Variants in TMEM232 observed in about 807,000 individuals in gnomAD.
The protein encoded by TMEM232 is transmembrane protein 232.
In TMEM232, 80 loss-of-function variants were observed where a neutral mutation model predicts 78.8. That is an observed-to-expected ratio of 1.01 (90% CI 0.85 to 1.22). The LOEUF (loss-of-function observed/expected upper bound fraction) is 1.22. Ranked by LOEUF, TMEM232 falls within the 50% of genes most tolerant of loss-of-function variation. The pLI is 0.00. For synonymous variants in TMEM232, 297 were observed against 254.3 expected, an observed-to-expected ratio of 1.17 and a Z score of -1.60; for missense variants, 881 against 742.2, an observed-to-expected ratio of 1.19 and a Z score of -2.17.
rs537439186 is a variant in TMEM232 at position 110,698,275 on chromosome 5, A to G, written c.-13+28352T>C. Reference sequence around the variant, plus strand: ...CACAGGAAGGGGAACATCACACACCAGGGACTGTTGTGGGGTGGGTGGAGG... The same window carrying G: ...CACAGGAAGGGGAACATCACACACCGGGGACTGTTGTGGGGTGGGTGGAGG... On this transcript the variant is annotated intron_variant, in intron 1 of 13. Transcript: ENST00000455884. Among the ~76,000 whole-genome samples the G allele has an allele frequency of 4.0e-4, 60 of 148,612 alleles. No homozygotes were observed. The East Asian group carries it at 0.01, about 25-fold the overall frequency.
At chr5:110,685,634 G>C (rs766670893) in intron 1 of TMEM232, among the ~76,000 whole-genome samples, 4 of 152,030 alleles carry the variant, frequency 2.6e-5, no homozygotes, top group Non-Finnish European at 4.4e-5. Context: ...CCTACACCCT[G>C]ACCTAGAAAT....
intron 1 of TMEM232, among the ~76,000 whole-genome samples, chr5:110,715,916 T>C (rs879418084): frequency 5.3e-5 from 8 of 152,178 alleles, no homozygotes; most frequent in Non-Finnish European, 1.0e-4. Flanking sequence ...TAACCTCTTA[T>C]TATAAACCAG....
chr5:110,618,017 T>G (rs1783158002), intron 8 of TMEM232: 1 of 169,274 alleles, frequency 5.9e-6, no homozygotes, highest in African/African-American at 2.4e-5. Flanking sequence ...AAAAATTTTT[T>G]TTTAAGATTC....
At chr5:110,521,926 T>C (rs1769577864) in intron 12 of TMEM232, among the ~76,000 whole-genome samples, 1 of 152,152 alleles carries the variant, frequency 6.6e-6, no homozygotes, top group South Asian at 2.1e-4. Flanking sequence ...TTCTCAAGAT[T>C]GATTTGGCTA....
intron 11 of TMEM232, among the ~76,000 whole-genome samples, chr5:110,556,784 C>G (rs13436063): frequency 0.042 from 6,366 of 152,140 alleles, 432 homozygotes; most frequent in African/African-American, 0.15. Context: ...TGTAAGTGAC[C>G]TGACTCTTCT....
rs1756478758 is a variant in TMEM232, at chr5:110,420,006, A to AC, written c.*573_*574insG. 1 of 152,296 alleles carries AC rather than the reference A, an allele frequency of 6.6e-6. No individual in the cohort carries two copies. The highest frequency in any genetic ancestry group is 2.4e-5 in the African/African-American group (1 of 41,446). 9.4% of individuals were successfully genotyped at this position (152,296 alleles called of 1,614,324 possible). A position where few individuals can be genotyped will look rare whatever the true frequency, so the allele number is the denominator to read the frequency against. On this transcript the variant is annotated 3_prime_UTR_variant, in exon 14 of 14. Transcript: ENST00000455884. ...TCAGGAATCCCCTCTGGCATCTGTT[A>AC]AAGATCAAGCCAATCAATCTAAGAT...
Position 110,633,167 on chromosome 5 carries a change from T to A in TMEM232, c.501+5031A>T, listed in dbSNP as rs1343612453. 3.9e-5 allele frequency among the ~76,000 whole-genome samples: 6 copies of A among 152,114 alleles called. No individual in the cohort carries two copies. The South Asian group carries it at 1.2e-3, about 32-fold the overall frequency. On this transcript the variant is annotated intron_variant, in intron 5 of 13. Transcript: ENST00000455884. ...CTTCATACATGAAGAAGAAATAAGG[T>A]CTTTTACAGACAAGCAAATGGTAAG...
intron 1 of TMEM232, among the ~76,000 whole-genome samples, chr5:110,684,377 A>G (rs925184278): frequency 5.3e-4 from 81 of 152,142 alleles, no homozygotes; most frequent in African/African-American, 1.9e-3. Context: ...ATTAATACAG[A>G]AAAGTTAGTG....
At chr5:110,529,873 C>CT in intron 11 of TMEM232, among the ~76,000 whole-genome samples, 1 of 152,216 alleles carries the variant, frequency 6.6e-6, no homozygotes, top group African/African-American at 2.4e-5. Context: ...TATGTTACAA[C>CT]TTTTTTATGT....
chr5:110,688,231 A>G (rs1460499409), intron 1 of TMEM232, among the ~76,000 whole-genome samples: 1 of 152,162 alleles, frequency 6.6e-6, no homozygotes, highest in Non-Finnish European at 1.5e-5. Flanking sequence ...ATATAGATAC[A>G]TAGAGACATA....
At chr5:110,637,040 C>T (rs1785936201) in intron 5 of TMEM232, among the ~76,000 whole-genome samples, 1 of 151,580 alleles carries the variant, frequency 6.6e-6, no homozygotes. Flanking sequence ...GCCAGACTTG[C>T]TCCATGTTTT....
intron 7 of TMEM232, among the ~76,000 whole-genome samples, chr5:110,620,685 C>G (rs1327352656): frequency 6.8e-6 from 1 of 146,184 alleles, no homozygotes; most frequent in Non-Finnish European, 1.5e-5. Context: ...CTCTCTCTCC[C>G]TCTCTCGGCA....
At chr5:110,584,810 C>A (rs904690946) in intron 10 of TMEM232, among the ~76,000 whole-genome samples, 1 of 151,820 alleles carries the variant, frequency 6.6e-6, no homozygotes, top group Non-Finnish European at 1.5e-5. Flanking sequence ...AAGCACTTAG[C>A]GAGTTATTTT....
chr5:110,570,189 G>A (rs898074663), intron 10 of TMEM232, among the ~76,000 whole-genome samples: 3 of 151,850 alleles, frequency 2.0e-5, no homozygotes, highest in African/African-American at 4.8e-5. Flanking sequence ...TTTTTGAAAC[G>A]TCATTTTCTC....
At chr5:110,638,422 T>C in intron 4 of TMEM232, 67 bp from the exon 5 acceptor site, 18 of 1,396,864 alleles carry the variant, frequency 1.3e-5, no homozygotes, top group Non-Finnish European at 1.6e-5. Flanking sequence ...ATGCTATAAT[T>C]ACTTTTTGTA....
At chr5:110,608,144 A>G (rs567574696) in intron 8 of TMEM232, among the ~76,000 whole-genome samples, 2 of 152,044 alleles carry the variant, frequency 1.3e-5, no homozygotes, top group Admixed American at 1.3e-4. Context: ...CTAATTAGGC[A>G]TATGTTATAG....
intron 12 of TMEM232, among the ~76,000 whole-genome samples, chr5:110,473,059 CA>C (rs111965771): frequency 0.012 from 1,361 of 116,858 alleles, 7 homozygotes; most frequent in African/African-American, 0.023. Flanking sequence ...GCAACAAATG[CA>C]AAAAAAAAAA....
At chr5:110,569,737 A>T (rs1285821015) in intron 10 of TMEM232, among the ~76,000 whole-genome samples, 1 of 151,876 alleles carries the variant, frequency 6.6e-6, no homozygotes, top group Non-Finnish European at 1.5e-5. Context: ...TATAGCTAGT[A>T]CCGGAGGGGG....
chr5:110,697,845 TA>T (rs1034794034), intron 1 of TMEM232, among the ~76,000 whole-genome samples: 75 of 152,202 alleles, frequency 4.9e-4, no homozygotes, highest in African/African-American at 1.8e-3. Flanking sequence ...GGTGGGACTG[TA>T]AACTAGTTCA....
Sources: gnomAD v4.1 joint callset for allele counts (sites outside exome capture counted in the v4.1 genomes callset) on GRCh38, gnomAD v4.1.1 for gene constraint, MANE v1.5 for transcripts, NCBI Gene and HGNC (gene_info 2026-07-23, HGNC 2026-07-21) for gene names.